CHD1: variants seen among roughly 807,000 people sequenced by gnomAD.
CHD1 encodes ATP-dependent chromatin remodeler CHD1.
In CHD1, 36 loss-of-function variants were observed where a neutral mutation model predicts 224.2. That is an observed-to-expected ratio of 0.16 (90% CI 0.12 to 0.21). The LOEUF (loss-of-function observed/expected upper bound fraction) is 0.21, where lower values mean the gene tolerates loss of function less well. Among genes scored for constraint, CHD1 ranks in the 10% least tolerant of loss-of-function variants. CHD1 has a pLI of 1.00. For synonymous variants in CHD1, 668 were observed against 658.3 expected (o/e 1.01, Z -0.23); for missense variants, 1,378 against 1,994.8 (o/e 0.69, Z 5.89).
chr5:98,903,734 G>T, intron 4 of CHD1, 58 bp downstream of exon 4: 1 of 1,131,184 alleles, frequency 8.8e-7, no homozygotes, highest in East Asian at 2.3e-5. Context: ...ACAAATACTA[G>T]TTAACTGATT....
intron 24 of CHD1, 108 bp downstream of exon 24, chr5:98,876,290 T>C: frequency 9.2e-7 from 1 of 1,089,822 alleles, no homozygotes; most frequent in Non-Finnish European, 1.3e-6. Flanking sequence ...ATAACAGATT[T>C]GCCTCTTCTA....
intron 1 of CHD1, among the ~76,000 whole-genome samples, chr5:98,926,924 G>GGA (rs1036385611): frequency 8.9e-6 from 1 of 112,080 alleles, no homozygotes; most frequent in African/African-American, 3.5e-5. Context: ...GAAGTGGGGG[G>GGA]GGGGGTGGGA....
chr5:98,889,262 C>T lies in CHD1; in HGVS notation c.2181-24G>A, dbSNP rs139216125. On this transcript the variant is annotated intron_variant, in intron 15 of 35. Coordinates refer to ENST00000614616, the MANE Select transcript of CHD1 (RefSeq NM_001270.4). ...ATCTTAAAAAAAAAAATTATGAAAACGATGTTTAGCAGAACAATTACCAGG... is the reference window on the plus strand; with the variant it reads ...ATCTTAAAAAAAAAAATTATGAAAATGATGTTTAGCAGAACAATTACCAGG... 1.3e-4 allele frequency: 190 copies of T among 1,499,006 alleles called. 2 individuals are homozygous for T. In the South Asian group the frequency reaches 1.5e-3, roughly 12 times the overall value. 92.9% of individuals were successfully genotyped at this position (1,499,006 alleles called of 1,614,324 possible).
At chr5:98,886,930 T>G (rs1750687819) in intron 17 of CHD1, among the ~76,000 whole-genome samples, 5 of 152,098 alleles carry the variant, frequency 3.3e-5, no homozygotes, top group Admixed American at 3.3e-4. Context: ...TTAGTCAAAC[T>G]AATTTTTTGT....
chr5:98,856,387 T>C lies in CHD1; in HGVS notation c.5126A>G (p.Lys1709Arg). 6.2e-7 allele frequency: 1 copy of C among 1,607,130 alleles called. No individual in the cohort carries two copies. Among genetic ancestry groups the C allele is most frequent in the Non-Finnish European group, 8.5e-7 (1 of 1,174,248 alleles). The change falls in exon 36 of 36, where the codon AAA becomes AGA. Residue 1709 changes from lysine to arginine, a missense_variant. This residue lies in a region of CHD1 where 278 missense variants were observed against 298.5 expected (regional missense o/e 0.93). Coordinates refer to ENST00000614616, the MANE Select transcript of CHD1 (RefSeq NM_001270.4). ...ACGAAGTATCAGTTTTTGTTATGTT[T>C]TCCGACTACTCCAGGTATGCTCCGG... is the stretch of plus-strand genomic sequence containing the variant. The part of the protein sequence containing the change: ...STPEHTWSSR[K>R]T
At chr5:98,913,807 A>C (rs1317418665) in intron 2 of CHD1, among the ~76,000 whole-genome samples, 1 of 152,238 alleles carries the variant, frequency 6.6e-6, no homozygotes, top group African/African-American at 2.4e-5. Context: ...AGCTCAGAGA[A>C]GGCTGTGTAA....
intron 15 of CHD1, among the ~76,000 whole-genome samples, chr5:98,891,606 T>C (rs1751023591): frequency 6.6e-6 from 1 of 151,628 alleles, no homozygotes. Context: ...GGGCCAGGAG[T>C]TCAGGATCAG....
At position 98,926,537 on chromosome 5, in the gene CHD1, A is replaced by G. The variant is rs925102483; in HGVS notation, c.-148-3T>C. ...TCTGGGACTCTCCTTTGATTCACCT[A>G]AAGAAAATATATTAATAAATTAACA... On this transcript the variant is annotated splice_region_variant and splice_polypyrimidine_tract_variant and intron_variant, in intron 1 of 35. Coordinates refer to ENST00000614616, the MANE Select transcript of CHD1 (RefSeq NM_001270.4). 5.9e-5 allele frequency: 25 copies of G among 424,816 alleles called. No homozygotes were observed. In the East Asian group the frequency reaches 5.9e-4, roughly 10 times the overall value. 26.3% of individuals were successfully genotyped at this position (424,816 alleles called of 1,614,324 possible). A position where few individuals can be genotyped will look rare whatever the true frequency, so the allele number is the denominator to read the frequency against.
chr5:98,871,837 T>C (rs764485220), intron 28 of CHD1, among the ~76,000 whole-genome samples: 25 of 152,170 alleles, frequency 1.6e-4, no homozygotes, highest in African/African-American at 4.1e-4. Context: ...ACCTAATGCC[T>C]TAATAACATA....
intron 2 of CHD1, among the ~76,000 whole-genome samples, chr5:98,906,683 A>C (rs1752070285): frequency 1.3e-5 from 2 of 152,226 alleles, no homozygotes. Context: ...GATATAACCA[A>C]GTTTGGTACA....
At chr5:98,883,848 TATATATATATATA>T (rs372598139) in intron 18 of CHD1, 83 of 33,190 alleles carry the variant, frequency 2.5e-3, no homozygotes, top group African/African-American at 8.4e-3. Flanking sequence ...TATATATATA[TATATATATATATA>T]TTTTTTTTTT....
chr5:98,856,832 G>T, intron 35 of CHD1, 107 bp from the exon 36 acceptor site: 1 of 755,480 alleles, frequency 1.3e-6, no homozygotes, highest in Non-Finnish European at 2.1e-6. Context: ...GTTTTTAATT[G>T]TATAGAAATT....
chr5:98,885,084 A>G (rs1580425525), intron 18 of CHD1, among the ~76,000 whole-genome samples: 1 of 152,032 alleles, frequency 6.6e-6, no homozygotes, highest in Admixed American at 6.6e-5. Context: ...CTGAAACATT[A>G]TTGATAATAA....
intron 5 of CHD1, among the ~76,000 whole-genome samples, chr5:98,902,249 T>A (rs1202153758): frequency 6.6e-6 from 1 of 151,966 alleles, no homozygotes; most frequent in African/African-American, 2.4e-5. Context: ...ATTTTCAGAA[T>A]AAAAGATAGA....
chr5:98,903,577 C>T (rs888109510), intron 4 of CHD1, among the ~76,000 whole-genome samples: 5 of 152,186 alleles, frequency 3.3e-5, no homozygotes, highest in Non-Finnish European at 7.4e-5. Flanking sequence ...AGCAAATGCA[C>T]ACAAATGTCC....
intron 32 of CHD1, among the ~76,000 whole-genome samples, chr5:98,861,565 A>T (rs931170839): frequency 4.6e-5 from 7 of 152,188 alleles, no homozygotes; most frequent in African/African-American, 1.4e-4. Flanking sequence ...AATATCCCTT[A>T]AAGCAAAATA....
At chr5:98,899,728 C>T in intron 7 of CHD1, 23 bp from the exon 8 acceptor site, 6 of 1,515,322 alleles carry the variant, frequency 4.0e-6, no homozygotes, top group Non-Finnish European at 4.6e-6. Flanking sequence ...GCACAAGATC[C>T]TTCCATGTAA....
chr5:98,872,066 G>A lies in CHD1; in HGVS notation c.3846C>T (p.Leu1282=). Residue 1282 remains leucine, a synonymous_variant, in exon 28 of 36, where the codon CTC becomes CTT. Coordinates refer to ENST00000614616, the MANE Select transcript of CHD1 (RefSeq NM_001270.4). ...AGATAAATACCTTGTGTGTTAGACTGAGGTCAGGATCCATTTTAATCATTT... is the reference window on the plus strand; with the variant it reads ...AGATAAATACCTTGTGTGTTAGACTAAGGTCAGGATCCATTTTAATCATTT... ...SWEMIKMDPD[L]SLTHKILPDD... 1 of 1,611,680 alleles carries A rather than the reference G, an allele frequency of 6.2e-7. No individual in the cohort carries two copies. Among genetic ancestry groups the A allele is most frequent in the Non-Finnish European group, 8.5e-7 (1 of 1,178,538 alleles).
At chr5:98,896,082 G>T in intron 12 of CHD1, 144 bp downstream of exon 12, 1 of 649,008 alleles carries the variant, frequency 1.5e-6, no homozygotes. Flanking sequence ...GCGTGCTCCT[G>T]TGGTCCCAGT....
Sources: gnomAD v4.1 joint callset for allele counts (sites outside exome capture counted in the v4.1 genomes callset) on GRCh38, gnomAD v4.1.1 for gene constraint, gnomAD v4.1.1 regional missense constraint, MANE v1.5 for transcripts, NCBI Gene and HGNC (gene_info 2026-07-23, HGNC 2026-07-21) for gene names.